Variants in TMBIM1 observed in about 807,000 individuals in gnomAD.
TMBIM1 encodes the protein protein lifeguard 3.
A neutral mutation model predicts 45.1 loss-of-function variants in TMBIM1; 34 were observed. That is an observed-to-expected ratio of 0.75 (90% CI 0.57 to 1.00). TMBIM1 has a LOEUF of 1.00. Ranked by LOEUF, TMBIM1 falls within the 50% of genes least tolerant of loss-of-function variation. The pLI is 0.00. For synonymous variants in TMBIM1, 157 were observed against 153.5 expected (o/e 1.02, Z -0.17); for missense variants, 374 against 402.4 (o/e 0.93, Z 0.60).
chr2:218,278,768 G>A (rs1691535938), intron 5 of TMBIM1, among the ~76,000 whole-genome samples: 1 of 152,246 alleles, frequency 6.6e-6, no homozygotes. Context: ...AGGAGGTCTG[G>A]GGAGGCTGCA....
chr2:218,276,292 A>C (rs1691205895), intron 10 of TMBIM1, among the ~76,000 whole-genome samples: 1 of 152,218 alleles, frequency 6.6e-6, no homozygotes, highest in African/African-American at 2.4e-5. Flanking sequence ...ATGGCTGTAT[A>C]AAACCAATCT....
At chr2:218,291,637 G>A (rs993329732) in intron 1 of TMBIM1, among the ~76,000 whole-genome samples, 13 of 152,092 alleles carry the variant, frequency 8.5e-5, no homozygotes, top group East Asian at 1.9e-4. Context: ...AATTGGTGCC[G>A]ACCCCACAAG....
rs1361966103 is a variant in TMBIM1 at position 218,275,271 on chromosome 2, C to G, written c.*204G>C. 1.5e-5 allele frequency: 8 copies of G among 550,792 alleles called. No individual in the cohort carries two copies. Among genetic ancestry groups the G allele is most frequent in the Non-Finnish European group, 2.4e-5 (8 of 339,626 alleles). The allele number at this position is 550,792 out of a possible 1,614,324, so 34.1% of individuals were successfully genotyped here. A position where few individuals can be genotyped will look rare whatever the true frequency, so the allele number is the denominator to read the frequency against. On this transcript the variant is annotated 3_prime_UTR_variant, in exon 12 of 12. Coordinates refer to ENST00000258412, the MANE Select transcript of TMBIM1 (RefSeq NM_022152.6). ...TCCCTGCCAAGCCCACCAAGAGCAA[C>G]AGTTAGTCCCTAGCTCCTCCGTCCC...
chr2:218,274,792 GC>G lies in TMBIM1; in HGVS notation c.*682del, dbSNP rs1559498278. 6.5e-6 allele frequency: 1 copy of G among 154,552 alleles called. No individual in the cohort carries two copies. The highest frequency in any genetic ancestry group is 2.4e-5 in the African/African-American group (1 of 41,530). The allele number at this position is 154,552 out of a possible 1,614,324, so 9.6% of individuals were successfully genotyped here. A position where few individuals can be genotyped will look rare whatever the true frequency, so the allele number is the denominator to read the frequency against. On this transcript the variant is annotated 3_prime_UTR_variant, in exon 12 of 12. Coordinates refer to ENST00000258412, the MANE Select transcript of TMBIM1 (RefSeq NM_022152.6). ...TGTCTTATAGCGTCACAAGCCAGGAGCAAGCCCAGGGGAGATGCTGTTCCAT... is the reference window on the plus strand; with the variant it reads ...TGTCTTATAGCGTCACAAGCCAGGAGAAGCCCAGGGGAGATGCTGTTCCAT...
At chr2:218,277,832 G>T in intron 7 of TMBIM1, 103 bp downstream of exon 7, 3 of 1,565,344 alleles carry the variant, frequency 1.9e-6, no homozygotes, top group Non-Finnish European at 1.8e-6. Flanking sequence ...ATAAGGTGGA[G>T]GAGACAGCCA....
Position 218,274,483 on chromosome 2 carries a change from C to G in TMBIM1, c.*992G>C, listed in dbSNP as rs1320711292. 2 of 154,066 alleles carry G rather than the reference C, an allele frequency of 1.3e-5. No homozygotes were observed. The highest frequency in any genetic ancestry group is 2.9e-5 in the Non-Finnish European group (2 of 68,222). The allele number at this position is 154,066 out of a possible 1,614,324, so 9.5% of individuals were successfully genotyped here. On this transcript the variant is annotated 3_prime_UTR_variant, in exon 12 of 12. Transcript: ENST00000258412. Reference sequence around the variant, plus strand: ...AGTCACCTTCCTCTTAGGACCCTCCCTGGGTTAGCAGAAGGAAAGAACCCA... The same window carrying G: ...AGTCACCTTCCTCTTAGGACCCTCCGTGGGTTAGCAGAAGGAAAGAACCCA...
intron 1 of TMBIM1, chr2:218,289,819 T>C (rs1692818246): frequency 6.6e-6 from 1 of 152,086 alleles, no homozygotes. Context: ...ATGTTCTCAG[T>C]ATGGGGCTGT....
intron 3 of TMBIM1, chr2:218,279,592 G>GCC: frequency 2.0e-6 from 1 of 508,398 alleles, no homozygotes; most frequent in South Asian, 2.8e-5. Context: ...CTACTGACTT[G>GCC]CCCTGCCTGG....
At position 218,275,165 on chromosome 2, in the gene TMBIM1, A is replaced by C. The variant is rs1384414019; in HGVS notation, c.*310T>G. The C allele has an allele frequency of 4.1e-6, 1 of 245,198 alleles. No individual in the cohort carries two copies. Among genetic ancestry groups the C allele is most frequent in the African/African-American group, 2.2e-5 (1 of 44,798 alleles). The allele number at this position is 245,198 out of a possible 1,614,324, so 15.2% of individuals were successfully genotyped here. ...TCTAGCTATCGAATAGGCTCTTTTC[A>C]TATTCCTCACAACCCCAGCTGTTAG... is the stretch of plus-strand genomic sequence containing the variant. On this transcript the variant is annotated 3_prime_UTR_variant, in exon 12 of 12. Transcript: ENST00000258412.
chr2:218,282,987 C>T (rs879608990), intron 1 of TMBIM1, among the ~76,000 whole-genome samples: 1 of 152,188 alleles, frequency 6.6e-6, no homozygotes, highest in Non-Finnish European at 1.5e-5. Context: ...CACGGCCCCT[C>T]GCCCTCCCCC....
chr2:218,281,384 G>GC (rs1315831045), intron 2 of TMBIM1, among the ~76,000 whole-genome samples: 1 of 151,704 alleles, frequency 6.6e-6, no homozygotes, highest in Non-Finnish European at 1.5e-5. Context: ...TGATCTGCTC[G>GC]CCTCAGCCTC....
At chr2:218,289,109 G>A (rs917201102) in intron 1 of TMBIM1, among the ~76,000 whole-genome samples, 8 of 152,350 alleles carry the variant, frequency 5.3e-5, no homozygotes, top group Middle Eastern at 6.8e-3. Context: ...ACGCACCTGC[G>A]TGAATAGGCA....
At chr2:218,275,674 TC>T in intron 11 of TMBIM1, 53 bp from the exon 12 acceptor site, 1 of 1,571,690 alleles carries the variant, frequency 6.4e-7, no homozygotes, top group Non-Finnish European at 8.6e-7. Context: ...TGTCCAGAGC[TC>T]ATTTTTGGTC....
chr2:218,292,265 C>G (rs1692979294), intron 1 of TMBIM1, among the ~76,000 whole-genome samples: 1 of 152,246 alleles, frequency 6.6e-6, no homozygotes, highest in African/African-American at 2.4e-5. Context: ...CGGCCGCCCA[C>G]CCGCGCGCCC....
chr2:218,278,887 C>T (rs1327764093), intron 5 of TMBIM1, 151 bp downstream of exon 5: 2 of 862,282 alleles, frequency 2.3e-6, no homozygotes, highest in Non-Finnish European at 3.6e-6. Context: ...TCTGGGCACG[C>T]ACACCCACAC....
chr2:218,277,262 G>A, intron 9 of TMBIM1, 104 bp downstream of exon 9: 1 of 1,215,762 alleles, frequency 8.2e-7, no homozygotes, highest in Non-Finnish European at 1.2e-6. Flanking sequence ...TGCGGATGAG[G>A]AGAAGGGGAT....
chr2:218,276,988 C>T lies in TMBIM1; in HGVS notation c.735+16G>A, dbSNP rs1398747904. On this transcript the variant is annotated intron_variant, in intron 10 of 11. Transcript: ENST00000258412. Reference sequence around the variant, plus strand: ...AGCACTGGGTTCCCTGACCCCAGCTCTCCTGGGACACTCACGTATTGGAAG... The same window carrying T: ...AGCACTGGGTTCCCTGACCCCAGCTTTCCTGGGACACTCACGTATTGGAAG... 3 of 1,607,832 alleles carry T rather than the reference C, an allele frequency of 1.9e-6. No individual in the cohort carries two copies. The highest frequency in any genetic ancestry group is 1.1e-5 in the South Asian group (1 of 90,890).
chr2:218,276,602 C>G (rs1318177914), intron 10 of TMBIM1, among the ~76,000 whole-genome samples: 1 of 152,010 alleles, frequency 6.6e-6, no homozygotes, highest in Non-Finnish European at 1.5e-5. Context: ...ACTGTTCTCC[C>G]CCAGCTGAAC....
chr2:218,282,244 G>T, intron 1 of TMBIM1, 63 bp from the exon 2 acceptor site: 2 of 987,780 alleles, frequency 2.0e-6, no homozygotes, highest in Non-Finnish European at 2.8e-6. Context: ...AGCCTCATGG[G>T]CCCACTTCCA....
Sources: gnomAD v4.1 joint callset for allele counts (sites outside exome capture counted in the v4.1 genomes callset) on GRCh38, gnomAD v4.1.1 for gene constraint, MANE v1.5 for transcripts, NCBI Gene and HGNC (gene_info 2026-07-23, HGNC 2026-07-21) for gene names.